Variants in SYTL5 observed in about 807,000 individuals in gnomAD.
The protein encoded by SYTL5 is synaptotagmin-like protein 5.
SYTL5 carries 34 observed loss-of-function variants against 55.9 expected under a neutral mutation model. The ratio of observed to expected loss-of-function variants is 0.61; its 90% CI spans 0.46 to 0.81. SYTL5 has a LOEUF of 0.81. Ranked by LOEUF, SYTL5 falls within the 30% of genes least tolerant of loss-of-function variation. The probability of loss-of-function intolerance (pLI) is 0.00; values close to 1 mark genes in which losing one functional copy is unlikely to be tolerated. For synonymous variants in SYTL5, 221 were observed against 188.7 expected (o/e 1.17, Z -1.40); for missense variants, 637 against 546.7 (o/e 1.17, Z -1.65).
At chrX:37,969,200 A>G in the SYTL5 span, among the ~76,000 whole-genome samples, 14 of 112,300 alleles carry the variant, frequency 1.2e-4, no homozygotes, top group South Asian at 4.4e-3. Flanking sequence ...AGCATATTTT[A>G]TGCTTCTCCT....
At chrX:38,022,870 T>A (rs1257946650) in intron 1 of SYTL5, among the ~76,000 whole-genome samples, 1 of 111,597 alleles carries the variant, frequency 9.0e-6, no homozygotes, top group African/African-American at 3.3e-5. Flanking sequence ...GGGGGAAGTA[T>A]CCCAGGCAGA....
chrX:38,021,913 G>A (rs1934564970), intron 1 of SYTL5, among the ~76,000 whole-genome samples: 1 of 112,155 alleles, frequency 8.9e-6, no homozygotes, highest in Admixed American at 9.5e-5. Context: ...CGAGTTATTT[G>A]TGTCACAACA....
At chrX:37,910,398 C>T in the SYTL5 span, among the ~76,000 whole-genome samples, 2 of 112,187 alleles carry the variant, frequency 1.8e-5, no homozygotes, top group Non-Finnish European at 1.9e-5. Context: ...TCATCAAAGG[C>T]CTTATCTCCA....
intron 1 of SYTL5, among the ~76,000 whole-genome samples, chrX:38,023,696 G>T (rs183079256): frequency 9.0e-6 from 1 of 110,705 alleles, no homozygotes; most frequent in Non-Finnish European, 1.9e-5. Flanking sequence ...TTCCAGCTTC[G>T]AGAGCTTCTA....
Position 38,102,538 on chromosome X carries a change from T to A in SYTL5, c.1155+104T>A, listed in dbSNP as rs942267092. 5.0e-5 allele frequency: 29 copies of A among 579,302 alleles called. No homozygotes were observed. The South Asian group carries it at 7.6e-4, about 15-fold the overall frequency. The allele number at this position is 579,302 out of a possible 1,213,427, so 47.7% of individuals were successfully genotyped here. ...ATGTTCTTAGGAAAATGTGTGATAA[T>A]GAGTTAAAAGTCATTGTAAGATCCT... is the stretch of plus-strand genomic sequence containing the variant. On this transcript the variant is annotated intron_variant, in intron 10 of 16. Coordinates refer to ENST00000297875, the MANE Select transcript of SYTL5 (RefSeq NM_138780.3).
rs4827330 is a variant in SYTL5, at chrX:38,073,633, A to G, written c.489A>G (p.Ala163=). ...GCCAAGAGCAAACCCGCCAGGATGC[A>G]GAAAAGTCAGACACTTCACCTGTTG... The part of the protein sequence containing the change: ...VQSQEQTRQD[A]EKSDTSPVAG... The change falls in exon 5 of 17, where the codon GCA becomes GCG. Residue 163 remains alanine, a synonymous_variant. Coordinates refer to ENST00000297875, the MANE Select transcript of SYTL5 (RefSeq NM_138780.3). 301,387 of 1,195,168 alleles carry G rather than the reference A, an allele frequency of 0.25. 27,479 individuals carry two copies. Among genetic ancestry groups the G allele is most frequent in the African/African-American group, 0.43 (24,006 of 56,446 alleles).
At chrX:37,969,484 C>T in the SYTL5 span, among the ~76,000 whole-genome samples, 3 of 111,263 alleles carry the variant, frequency 2.7e-5, no homozygotes, top group South Asian at 3.8e-4. Flanking sequence ...ATATAAAGAT[C>T]GAGATATAAC....
intron 3 of SYTL5, among the ~76,000 whole-genome samples, chrX:38,063,243 G>A (rs1043093489): frequency 9.0e-6 from 1 of 111,515 alleles, no homozygotes; most frequent in African/African-American, 3.3e-5. Context: ...TCATAGTGCA[G>A]CTACAAGGGA....
intron 6 of SYTL5, among the ~76,000 whole-genome samples, chrX:38,082,690 A>G (rs1278096940): frequency 1.8e-5 from 2 of 112,639 alleles, no homozygotes; most frequent in Admixed American, 1.9e-4. Flanking sequence ...CTTTCAAAGG[A>G]TTCAGGTAAG....
the SYTL5 span, among the ~76,000 whole-genome samples, chrX:37,971,656 G>T: frequency 2.7e-5 from 3 of 111,466 alleles, no homozygotes; most frequent in Non-Finnish European, 5.6e-5. Context: ...TCTATAGTTT[G>T]CAGGTCAACC....
chrX:37,968,502 G>GTTATA, the SYTL5 span, among the ~76,000 whole-genome samples: 1 of 111,689 alleles, frequency 9.0e-6, no homozygotes, highest in South Asian at 3.8e-4. Flanking sequence ...CTATGATTCT[G>GTTATA]TGGGAGGGGC....
At chrX:37,972,308 CTTT>C in the SYTL5 span, among the ~76,000 whole-genome samples, 1 of 111,441 alleles carries the variant, frequency 9.0e-6, no homozygotes, top group Non-Finnish European at 1.9e-5. Flanking sequence ...AGAGAATTCC[CTTT>C]AGAATGCATC....
the SYTL5 span, among the ~76,000 whole-genome samples, chrX:37,987,354 A>G: frequency 8.9e-6 from 1 of 112,200 alleles, no homozygotes; most frequent in African/African-American, 3.2e-5. Flanking sequence ...ATGCCACAAA[A>G]CAAAGAATTA....
the SYTL5 span, among the ~76,000 whole-genome samples, chrX:37,920,486 C>T: frequency 4.5e-5 from 5 of 110,883 alleles, no homozygotes; most frequent in African/African-American, 1.6e-4. Context: ...CTAGTGATAT[C>T]ATATACATTT....
At chrX:38,089,629 C>G (rs1223292084) in intron 7 of SYTL5, 42 bp downstream of exon 7, 1 of 1,152,368 alleles carries the variant, frequency 8.7e-7, no homozygotes, top group Non-Finnish European at 1.2e-6. Context: ...AGTTCATTCT[C>G]ACACTGCTAT....
At chrX:38,014,957 A>G (rs1045391657) in intron 1 of SYTL5, among the ~76,000 whole-genome samples, 1 of 112,091 alleles carries the variant, frequency 8.9e-6, no homozygotes, top group Non-Finnish European at 1.9e-5. Context: ...TAGGAATAGA[A>G]TGGGAGGCAG....
intron 3 of SYTL5, among the ~76,000 whole-genome samples, chrX:38,055,697 T>C (rs1935761229): frequency 8.9e-6 from 1 of 112,420 alleles, no homozygotes; most frequent in Admixed American, 9.4e-5. Flanking sequence ...ACTACCGTTC[T>C]GTTGAAGACG....
At chrX:38,057,214 T>C (rs1935813795) in intron 3 of SYTL5, among the ~76,000 whole-genome samples, 1 of 111,796 alleles carries the variant, frequency 8.9e-6, no homozygotes, top group Admixed American at 9.5e-5. Context: ...TATCCAGTTT[T>C]CCCAGCACCA....
intron 10 of SYTL5, chrX:38,102,883 C>T: frequency 2.3e-6 from 1 of 435,268 alleles, no homozygotes; most frequent in Non-Finnish European, 3.9e-6. Context: ...AAAGTCCTTT[C>T]TTACTTTAGT....
Sources: gnomAD v4.1 joint callset for allele counts (sites outside exome capture counted in the v4.1 genomes callset) on GRCh38, gnomAD v4.1.1 for gene constraint, MANE v1.5 for transcripts, NCBI Gene and HGNC (gene_info 2026-07-23, HGNC 2026-07-21) for gene names.